RAB30: variants seen among roughly 807,000 people sequenced by gnomAD.
RAB30 encodes the protein RAB30, member RAS oncogene family, also known as ras-related protein Rab-30.
A neutral mutation model predicts 25.1 loss-of-function variants in RAB30; 9 were observed. The ratio of observed to expected loss-of-function variants is 0.36; its 90% CI spans 0.22 to 0.63. The LOEUF is 0.63. Ranked by LOEUF, RAB30 falls within the 20% of genes least tolerant of loss-of-function variation. RAB30 has a pLI of 0.69. For missense variants in RAB30, 140 were observed against 243.5 expected, an observed-to-expected ratio of 0.58 and a Z score of 2.83; for synonymous variants, 77 against 86.4, an observed-to-expected ratio of 0.89 and a Z score of 0.60.
At chr11:83,028,189 G>A (rs374668234) in intron 1 of RAB30, among the ~76,000 whole-genome samples, 1 of 152,064 alleles carries the variant, frequency 6.6e-6, no homozygotes, top group South Asian at 2.1e-4. Context: ...GAAACATAGA[G>A]AACAAAAAGA....
rs190498684 is a variant in RAB30, at chr11:83,056,430, A to G, written c.-9+15261T>C. ...ATTTTGTTTATCCATTCAACCATCA[A>G]TGGGCACTTGGGTTGCTTCCATCTT... On this transcript the variant is annotated intron_variant, in intron 1 of 4. Transcript: ENST00000527633. Among the ~76,000 whole-genome samples the G allele has an allele frequency of 1.2e-4, 19 of 152,288 alleles. No individual in the cohort carries two copies. In the East Asian group the frequency reaches 2.5e-3, roughly 20 times the overall value.
chr11:83,003,173 T>A (rs1857120593), intron 1 of RAB30, among the ~76,000 whole-genome samples: 1 of 152,182 alleles, frequency 6.6e-6, no homozygotes, highest in Admixed American at 6.5e-5. Context: ...ATCCATAAAA[T>A]GGGGATGATA....
intron 1 of RAB30, among the ~76,000 whole-genome samples, chr11:83,022,986 T>TAC (rs57421041): frequency 0.019 from 2,895 of 151,890 alleles, 88 homozygotes; most frequent in African/African-American, 0.066. Flanking sequence ...TATATATATA[T>TAC]ATGTATATAT....
At chr11:82,987,564 C>T in intron 4 of RAB30, 23 bp downstream of exon 4, 1 of 1,577,884 alleles carries the variant, frequency 6.3e-7, no homozygotes, top group East Asian at 2.3e-5. Flanking sequence ...AATCAATTTC[C>T]CTCCTCGTTA....
At chr11:82,997,786 G>C (rs924697237) in intron 1 of RAB30, among the ~76,000 whole-genome samples, 3 of 152,292 alleles carry the variant, frequency 2.0e-5, no homozygotes, top group African/African-American at 7.2e-5. Flanking sequence ...GAAGAGGAAG[G>C]AACTATAAAG....
intron 1 of RAB30, among the ~76,000 whole-genome samples, chr11:83,002,268 A>C (rs1857103024): frequency 6.6e-6 from 1 of 152,170 alleles, no homozygotes; most frequent in Non-Finnish European, 1.5e-5. Context: ...GGAGCCAGAC[A>C]CTGACTTCAG....
At chr11:83,046,649 ATAC>A (rs1590873665) in intron 1 of RAB30, among the ~76,000 whole-genome samples, 1 of 152,068 alleles carries the variant, frequency 6.6e-6, no homozygotes, top group Non-Finnish European at 1.5e-5. Context: ...GTGTACCACC[ATAC>A]CCAGCTAATT....
At chr11:82,983,537 T>C (rs1161870414) in intron 4 of RAB30, among the ~76,000 whole-genome samples, 1 of 152,160 alleles carries the variant, frequency 6.6e-6, no homozygotes, top group Non-Finnish European at 1.5e-5. Context: ...TCAAGCCATC[T>C]TCTCCCACCT....
chr11:82,997,265 C>T lies in RAB30; in HGVS notation c.52G>A (p.Ala18Thr), dbSNP rs376604970. ...ACGAGGCACGTCTTCCCCACACCAG[C>T]GTTGCCAATTAAAACAATTTTGAAC... is the stretch of plus-strand genomic sequence containing the variant. ...FLFKIVLIGN[A>T]GVGKTCLVRR... Residue 18 changes from alanine to threonine, a missense_variant, in exon 2 of 5, where the codon GCT becomes ACT. By Grantham distance (58) the Ala-to-Thr change is moderately conservative (BLOSUM62 0). Coordinates refer to ENST00000527633, the MANE Select transcript of RAB30 (RefSeq NM_001286060.2). 2.5e-6 allele frequency: 4 copies of T among 1,613,036 alleles called. No homozygotes were observed. Among genetic ancestry groups the T allele is most frequent in the South Asian group, 1.1e-5 (1 of 91,046 alleles).
chr11:83,016,032 G>C (rs772463127), intron 1 of RAB30, among the ~76,000 whole-genome samples: 23 of 152,148 alleles, frequency 1.5e-4, no homozygotes, highest in Middle Eastern at 3.4e-3. Flanking sequence ...CAGCTACTGA[G>C]GAGGCTGAGG....
At chr11:83,034,040 C>G (rs1857934896) in intron 1 of RAB30, 1 of 152,302 alleles carries the variant, frequency 6.6e-6, no homozygotes, top group African/African-American at 2.4e-5. Flanking sequence ...CTCTGCAACC[C>G]ATTCCCAGCT....
At chr11:83,067,332 G>A (rs1217705150) in intron 1 of RAB30, among the ~76,000 whole-genome samples, 3 of 152,028 alleles carry the variant, frequency 2.0e-5, no homozygotes, top group Non-Finnish European at 4.4e-5. Flanking sequence ...TAAATACATT[G>A]TACAGATGAG....
chr11:82,988,147 T>C (rs2121443222), intron 3 of RAB30, among the ~76,000 whole-genome samples: 1 of 152,272 alleles, frequency 6.6e-6, no homozygotes, highest in Non-Finnish European at 1.5e-5. Context: ...AGTAACCCTA[T>C]GAGGTAGATA....
In RAB30 at chr11:82,990,310, AACACAGC is replaced by A. The variant is rs551950836; in HGVS notation, c.178-2547_178-2541del. On this transcript the variant is annotated intron_variant, in intron 3 of 4. Transcript: ENST00000527633. ...GACCTTACACCCCCAGTACCTTCCT[AACACAGC>A]ACACAGCACGTGGTAGAAACATTTG... Among the ~76,000 whole-genome samples, 18 of 152,344 alleles carry A rather than the reference AACACAGC, an allele frequency of 1.2e-4. No homozygotes were observed. In the East Asian group the frequency reaches 3.5e-3, roughly 29 times the overall value.
intron 1 of RAB30, among the ~76,000 whole-genome samples, chr11:83,011,022 T>G (rs147235903): frequency 2.0e-5 from 3 of 152,240 alleles, no homozygotes; most frequent in Non-Finnish European, 4.4e-5. Context: ...AAAATACACA[T>G]GTATATCAAC....
chr11:83,068,307 A>G (rs958486043), intron 1 of RAB30, among the ~76,000 whole-genome samples: 2 of 151,808 alleles, frequency 1.3e-5, no homozygotes, highest in Non-Finnish European at 2.9e-5. Context: ...TCAAAAAAAA[A>G]AAACAAAAAA....
chr11:83,006,807 G>A (rs1857194834), intron 1 of RAB30, among the ~76,000 whole-genome samples: 1 of 152,140 alleles, frequency 6.6e-6, no homozygotes, highest in Admixed American at 6.5e-5. Context: ...TGCTTTTCCA[G>A]TTCATTGTGT....
chr11:82,993,915 T>C, intron 3 of RAB30, 124 bp downstream of exon 3: 1 of 737,294 alleles, frequency 1.4e-6, no homozygotes, highest in Non-Finnish European at 2.2e-6. Flanking sequence ...TAAGCCATTA[T>C]GGCTGAGTGC....
intron 4 of RAB30, among the ~76,000 whole-genome samples, chr11:82,982,720 G>A (rs1428666372): frequency 6.6e-6 from 1 of 152,086 alleles, no homozygotes; most frequent in African/African-American, 2.4e-5. Context: ...AAATTAGCCA[G>A]GTGTGGTGGC....
Sources: gnomAD v4.1 joint callset for allele counts (sites outside exome capture counted in the v4.1 genomes callset) on GRCh38, gnomAD v4.1.1 for gene constraint, MANE v1.5 for transcripts, NCBI Gene and HGNC (gene_info 2026-07-23, HGNC 2026-07-21) for gene names.